HCRTR2: variants seen among roughly 807,000 people sequenced by gnomAD.
HCRTR2 encodes the protein hypocretin receptor 2, also known as orexin receptor type 2.
In HCRTR2, 22 loss-of-function variants were observed where a neutral mutation model predicts 49.0. The ratio of observed to expected loss-of-function variants is 0.45; its 90% CI spans 0.32 to 0.64. The LOEUF is 0.64. Among genes scored for constraint, HCRTR2 ranks in the 30% least tolerant of loss-of-function variants. The pLI is 0.04. For missense variants in HCRTR2, 491 were observed against 559.4 expected, an observed-to-expected ratio of 0.88 and a Z score of 1.23; for synonymous variants, 236 against 205.3, an observed-to-expected ratio of 1.15 and a Z score of -1.28.
At chr6:55,257,808 T>TTTTTATCAC (rs1766681513) in intron 3 of HCRTR2, among the ~76,000 whole-genome samples, 1 of 151,886 alleles carries the variant, frequency 6.6e-6, no homozygotes, top group Admixed American at 6.6e-5. Context: ...TTGAAGGTGA[T>TTTTTATCAC]TTTATAATAG....
At chr6:55,169,875 T>C (rs1764924019), upstream of HCRTR2, among the ~76,000 whole-genome samples, 1 of 152,098 alleles carries the variant, frequency 6.6e-6, no homozygotes, top group Admixed American at 6.6e-5. Context: ...TTAATCCTTA[T>C]ACCCCAGCTC....
intron 1 of HCRTR2, among the ~76,000 whole-genome samples, chr6:55,110,827 A>G (rs1333023216): frequency 1.4e-5 from 2 of 143,722 alleles, no homozygotes; most frequent in Non-Finnish European, 3.1e-5. Flanking sequence ...TAAAGATGGA[A>G]AGTCAACAAT....
At chr6:55,201,858 G>A (rs1053668897) in intron 1 of HCRTR2, among the ~76,000 whole-genome samples, 3 of 152,126 alleles carry the variant, frequency 2.0e-5, no homozygotes, top group African/African-American at 7.2e-5. Context: ...TAAGTCAGAA[G>A]CATATACTAT....
At chr6:55,205,371 G>A (rs532172999) in intron 1 of HCRTR2, among the ~76,000 whole-genome samples, 3 of 152,146 alleles carry the variant, frequency 2.0e-5, no homozygotes, top group African/African-American at 7.2e-5. Context: ...GGGGAAGAAG[G>A]AATCTAAGGT....
intron 1 of HCRTR2, among the ~76,000 whole-genome samples, chr6:55,215,409 G>A (rs1765770014): frequency 6.6e-6 from 1 of 152,130 alleles, no homozygotes; most frequent in South Asian, 2.1e-4. Context: ...AATTAAACCT[G>A]CCTTACAAGA....
intron 1 of HCRTR2, among the ~76,000 whole-genome samples, chr6:55,156,346 AT>A (rs1764730386): frequency 6.6e-6 from 1 of 152,066 alleles, no homozygotes; most frequent in South Asian, 2.1e-4. Context: ...TTTAAAACTT[AT>A]AAAGAACACA....
At chr6:55,167,509 T>C (rs1764894193) in intron 1 of HCRTR2, among the ~76,000 whole-genome samples, 1 of 152,044 alleles carries the variant, frequency 6.6e-6, no homozygotes, top group South Asian at 2.1e-4. Flanking sequence ...CAGACAAATA[T>C]GTTATTTTCA....
At chr6:55,143,872 A>T (rs1764542775) in intron 1 of HCRTR2, among the ~76,000 whole-genome samples, 1 of 152,210 alleles carries the variant, frequency 6.6e-6, no homozygotes, top group East Asian at 1.9e-4. Context: ...ATATGGATTG[A>T]AGCCAAGTTT....
At chr6:55,118,524 A>G (rs1278438705) in intron 1 of HCRTR2, among the ~76,000 whole-genome samples, 2 of 151,902 alleles carry the variant, frequency 1.3e-5, no homozygotes, top group African/African-American at 2.4e-5. Context: ...CCAACAGTGG[A>G]TAAGTTTTCC....
intron 1 of HCRTR2, among the ~76,000 whole-genome samples, chr6:55,154,064 C>G (rs563390236): frequency 5.9e-5 from 9 of 151,734 alleles, no homozygotes; most frequent in Non-Finnish European, 8.9e-5. Context: ...CACAGTCTAT[C>G]AAACTGAAAC....
At position 55,282,495 on chromosome 6, in the gene HCRTR2, C is replaced by G. The variant is rs531316447; in HGVS notation, c.*41C>G. ...GACAAGGATACCTGAGTAAAACTATCCTTTTTAAAATCACTGGGAACAGAA... is the reference window on the plus strand; with the variant it reads ...GACAAGGATACCTGAGTAAAACTATGCTTTTTAAAATCACTGGGAACAGAA... On this transcript the variant is annotated 3_prime_UTR_variant, in exon 7 of 7. Coordinates refer to ENST00000370862, the MANE Select transcript of HCRTR2 (RefSeq NM_001384272.1). 9.1e-7 allele frequency: 1 copy of G among 1,096,136 alleles called. No homozygotes were observed. The highest frequency in any genetic ancestry group is 1.4e-6 in the Non-Finnish European group (1 of 724,762). 67.9% of individuals were successfully genotyped at this position (1,096,136 alleles called of 1,614,324 possible). A position where few individuals can be genotyped will look rare whatever the true frequency, so the allele number is the denominator to read the frequency against.
At chr6:55,239,024 A>G (rs934698853) in intron 1 of HCRTR2, among the ~76,000 whole-genome samples, 4 of 152,190 alleles carry the variant, frequency 2.6e-5, no homozygotes, top group African/African-American at 7.2e-5. Context: ...ATCCAGATGC[A>G]TTTCTAAGAC....
At chr6:55,136,657 T>C (rs1270443089) in intron 1 of HCRTR2, among the ~76,000 whole-genome samples, 1 of 152,204 alleles carries the variant, frequency 6.6e-6, no homozygotes, top group Non-Finnish European at 1.5e-5. Context: ...TTACCCAAGT[T>C]GATAAAGCTA....
At chr6:55,158,306 C>A (rs1394380891) in intron 1 of HCRTR2, among the ~76,000 whole-genome samples, 1 of 152,188 alleles carries the variant, frequency 6.6e-6, no homozygotes, top group Non-Finnish European at 1.5e-5. Context: ...TTCTTCACAA[C>A]CCTCAGGCCA....
chr6:55,148,713 T>G (rs900726787), intron 1 of HCRTR2, among the ~76,000 whole-genome samples: 1 of 152,126 alleles, frequency 6.6e-6, no homozygotes, highest in African/African-American at 2.4e-5. Flanking sequence ...TAAATCTCTA[T>G]AAGGCTGAGA....
At chr6:55,191,846 C>T (rs1765321029) in intron 1 of HCRTR2, among the ~76,000 whole-genome samples, 1 of 152,060 alleles carries the variant, frequency 6.6e-6, no homozygotes, top group Non-Finnish European at 1.5e-5. Flanking sequence ...TTAGCAAGCT[C>T]CATCTAATCC....
At chr6:55,154,981 T>C (rs895876933) in intron 1 of HCRTR2, among the ~76,000 whole-genome samples, 1 of 151,742 alleles carries the variant, frequency 6.6e-6, no homozygotes, top group Non-Finnish European at 1.5e-5. Flanking sequence ...CCCATTACAA[T>C]AGCATCATAA....
At chr6:55,145,393 G>GT (rs35527135) in intron 1 of HCRTR2, among the ~76,000 whole-genome samples, 46,770 of 135,994 alleles carry the variant, frequency 0.34, 9,123 homozygotes, top group East Asian at 0.82. Flanking sequence ...AACATTCTTT[G>GT]TTTTTTTTTT....
At chr6:55,236,476 T>C (rs1766216868) in intron 1 of HCRTR2, among the ~76,000 whole-genome samples, 1 of 152,114 alleles carries the variant, frequency 6.6e-6, no homozygotes, top group South Asian at 2.1e-4. Context: ...TGGATAATGA[T>C]AGGTTTTATT....
Sources: allele counts gnomAD v4.1 joint callset (sites outside exome capture counted in the v4.1 genomes callset), GRCh38; gene constraint gnomAD v4.1.1; transcripts MANE v1.5; gene names NCBI Gene and HGNC (gene_info 2026-07-23, HGNC 2026-07-21).